FAM20A: variants seen among roughly 807,000 people sequenced by gnomAD.
FAM20A encodes the protein FAM20A golgi associated secretory pathway pseudokinase, also known as pseudokinase FAM20A.
In FAM20A, 42 loss-of-function variants were observed where a neutral mutation model predicts 52.0. The ratio of observed to expected loss-of-function variants is 0.81; its 90% CI spans 0.63 to 1.04. The LOEUF is 1.04. Ranked by LOEUF, FAM20A falls within the 50% of genes least tolerant of loss-of-function variation. The pLI, the probability that FAM20A is intolerant of heterozygous loss-of-function variation, is 0.00. For missense variants in FAM20A, 742 were observed against 712.7 expected (o/e 1.04, Z -0.47); for synonymous variants, 304 against 298.9 (o/e 1.02, Z -0.18).
intron 1 of FAM20A, among the ~76,000 whole-genome samples, chr17:68,583,908 G>A (rs1486628552): frequency 1.3e-5 from 2 of 151,430 alleles, no homozygotes; most frequent in African/African-American, 4.9e-5. Context: ...ATAGTCACAG[G>A]TTCTGGGGAT....
Position 68,540,903 on chromosome 17 carries a change from T to C in FAM20A, c.1165A>G (p.Asn389Asp), listed in dbSNP as rs1341004526. ...ATGACATTGAGGAGCCGCTGGCTGT[T>C]GTTGTACGGGTAGATCTGTTTCACT... ...DTVKQIYPYN[N>D]SQRLLNVIDM... The change falls in exon 8 of 11, where the codon AAC becomes GAC. Residue 389 changes from asparagine (N) to aspartate (D), a missense_variant. Coordinates refer to ENST00000592554, the MANE Select transcript of FAM20A (RefSeq NM_017565.4). 3 of 1,605,138 alleles carry C rather than the reference T, an allele frequency of 1.9e-6. No individual in the cohort carries two copies. Among genetic ancestry groups the C allele is most frequent in the Non-Finnish European group, 1.7e-6 (2 of 1,176,024 alleles).
chr17:68,560,681 G>A (rs955678960), intron 1 of FAM20A, among the ~76,000 whole-genome samples: 1 of 152,138 alleles, frequency 6.6e-6, no homozygotes, highest in Non-Finnish European at 1.5e-5. Flanking sequence ...AGAGTGTATC[G>A]GTATGATAAA....
chr17:68,575,507 T>A (rs1410735424), intron 1 of FAM20A, among the ~76,000 whole-genome samples: 2 of 111,402 alleles, frequency 1.8e-5, no homozygotes, highest in African/African-American at 7.4e-5. Context: ...TATTAGATAT[T>A]ATATATTTTA....
rs201900897 is a variant in FAM20A, at chr17:68,542,829, G to C, written c.813-20C>G. 1.9e-6 allele frequency: 3 copies of C among 1,573,716 alleles called. No homozygotes were observed. Among genetic ancestry groups the C allele is most frequent in the Non-Finnish European group, 2.6e-6 (3 of 1,143,344 alleles). ...AGAATCCTGCAAGAGAGGAAGCTCTGTTCCATCTGAGGGATGATCAGGGAG... is the reference window on the plus strand; with the variant it reads ...AGAATCCTGCAAGAGAGGAAGCTCTCTTCCATCTGAGGGATGATCAGGGAG... On this transcript the variant is annotated intron_variant, in intron 5 of 10. Coordinates refer to ENST00000592554, the MANE Select transcript of FAM20A (RefSeq NM_017565.4).
At chr17:68,545,871 A>G (rs1007173173) in intron 4 of FAM20A, among the ~76,000 whole-genome samples, 1 of 152,186 alleles carries the variant, frequency 6.6e-6, no homozygotes, top group Non-Finnish European at 1.5e-5. Flanking sequence ...CTTATCCATA[A>G]GAAGCCACTC....
chr17:68,550,506 G>A (rs780990755), intron 4 of FAM20A, among the ~76,000 whole-genome samples: 21 of 150,496 alleles, frequency 1.4e-4, no homozygotes, highest in South Asian at 1.3e-3. Flanking sequence ...TCAGCCTCTC[G>A]AGTAGCTGGG....
chr17:68,570,023 TTCTG>T (rs2087495049), intron 1 of FAM20A, among the ~76,000 whole-genome samples: 1 of 152,220 alleles, frequency 6.6e-6, no homozygotes, highest in African/African-American at 2.4e-5. Flanking sequence ...CTATTTCTGT[TTCTG>T]CTTAACCCTT....
At chr17:68,561,074 G>T (rs940015398) in intron 1 of FAM20A, among the ~76,000 whole-genome samples, 3 of 152,144 alleles carry the variant, frequency 2.0e-5, no homozygotes, top group African/African-American at 7.2e-5. Flanking sequence ...TTTTCTCCCA[G>T]TTTGTTGTCA....
intron 1 of FAM20A, among the ~76,000 whole-genome samples, chr17:68,599,687 T>G (rs756932653): frequency 3.9e-5 from 6 of 152,156 alleles, no homozygotes; most frequent in Non-Finnish European, 5.9e-5. Context: ...AACTGACCAT[T>G]TACTTCCTGC....
chr17:68,591,781 GGAGGAGC>G, intron 1 of FAM20A: 1 of 152,408 alleles, frequency 6.6e-6, no homozygotes, highest in South Asian at 2.1e-4. Flanking sequence ...GTTTGCGTGG[GGAGGAGC>G]CTGGCCTCTC....
rs1598093607 is a variant in FAM20A, at chr17:68,600,877, G to C, written c.-211C>G. Reference sequence around the variant, plus strand: ...GGTGCACGGAGCACCGGGGCTCTCGGAGTCAGCGGGCGTCGCTTCTCCGCG... The same window carrying C: ...GGTGCACGGAGCACCGGGGCTCTCGCAGTCAGCGGGCGTCGCTTCTCCGCG... On this transcript the variant is annotated 5_prime_UTR_variant, in exon 1 of 11. Coordinates refer to ENST00000592554, the MANE Select transcript of FAM20A (RefSeq NM_017565.4). The surrounding 1 kb of genome is among the most constrained non-coding windows in gnomAD (Gnocchi z 6.2). 10 of 521,656 alleles carry C rather than the reference G, an allele frequency of 1.9e-5. No homozygotes were observed. The East Asian group carries it at 3.0e-4, about 16-fold the overall frequency. The allele number at this position is 521,656 out of a possible 1,614,324, so 32.3% of individuals were successfully genotyped here.
rs755858916 is a variant in FAM20A, at chr17:68,555,696, G to T, written c.452C>A (p.Pro151His). The T allele has an allele frequency of 3.1e-6, 5 of 1,613,958 alleles. No individual in the cohort carries two copies. The highest frequency in any genetic ancestry group is 4.2e-6 in the Non-Finnish European group (5 of 1,180,032). Residue 151 changes from proline (P) to histidine (H), a missense_variant, in exon 2 of 11, where the codon CCC becomes CAC. Coordinates refer to ENST00000592554, the MANE Select transcript of FAM20A (RefSeq NM_017565.4). ...GGCCTCGAGTCGGAGCTGCAGTGGG[G>T]GGTCCAGGGAGGTAAGGTTCATCTG... ...REQMNLTSLD[P>H]PLQLRLEASW...
intron 4 of FAM20A, chr17:68,551,416 G>A (rs2086829236): frequency 3.4e-6 from 1 of 292,092 alleles, no homozygotes; most frequent in Admixed American, 5.1e-5. Flanking sequence ...CAAAAAGAGA[G>A]TGCTTTCCCT....
At chr17:68,587,016 G>T (rs9911485) in intron 1 of FAM20A, among the ~76,000 whole-genome samples, 2 of 152,006 alleles carry the variant, frequency 1.3e-5, no homozygotes, top group Admixed American at 1.3e-4. Flanking sequence ...TCAGCCTCCC[G>T]AGTAGCTGGG....
chr17:68,554,690 G>T, intron 3 of FAM20A, 87 bp downstream of exon 3: 3 of 1,313,166 alleles, frequency 2.3e-6, no homozygotes, highest in Non-Finnish European at 3.3e-6. Flanking sequence ...TTCCACTCTT[G>T]CCCAAGGTCG....
chr17:68,550,069 G>A (rs900591965), intron 4 of FAM20A, among the ~76,000 whole-genome samples: 24 of 152,226 alleles, frequency 1.6e-4, no homozygotes, highest in Middle Eastern at 3.4e-3. Flanking sequence ...CGGTTACAAC[G>A]GGTTGATGGT....
chr17:68,554,917 A>C (rs2087011202), intron 2 of FAM20A, 90 bp from the exon 3 acceptor site: 8 of 1,340,404 alleles, frequency 6.0e-6, no homozygotes, highest in Admixed American at 1.8e-5. Context: ...GGTTCAGATC[A>C]CCAGAGGGGA....
At chr17:68,547,280 T>A (rs1283668749) in intron 4 of FAM20A, among the ~76,000 whole-genome samples, 3 of 152,300 alleles carry the variant, frequency 2.0e-5, no homozygotes, top group South Asian at 4.1e-4. Flanking sequence ...TATTATTATT[T>A]TTTTATTATA....
chr17:68,541,749 A>G, intron 7 of FAM20A: 1 of 469,244 alleles, frequency 2.1e-6, no homozygotes, highest in Non-Finnish European at 3.8e-6. Context: ...TGAGTCTTCC[A>G]TTTCTGTATC....
Sources: allele counts gnomAD v4.1 joint callset (sites outside exome capture counted in the v4.1 genomes callset), GRCh38; gene constraint gnomAD v4.1.1; non-coding constraint Gnocchi (gnomAD v3.1); transcripts MANE v1.5; gene names NCBI Gene and HGNC (gene_info 2026-07-23, HGNC 2026-07-21).